The following PALS1 variants were observed in gnomAD, a reference collection of about 807,000 sequenced individuals.
PALS1 encodes protein associated with LIN7 1, MAGUK p55 family member.
In PALS1, 31 loss-of-function variants were observed where a neutral mutation model predicts 78.9. The ratio of observed to expected loss-of-function variants is 0.39; its 90% CI spans 0.30 to 0.53. The LOEUF is 0.53. Among genes scored for constraint, PALS1 ranks in the 20% least tolerant of loss-of-function variants. PALS1 has a pLI of 0.67. For missense variants in PALS1, 704 were observed against 826.5 expected (o/e 0.85, Z 1.82); for synonymous variants, 276 against 270.9 (o/e 1.02, Z -0.18).
chr14:67,249,902 A>G (rs1373299793), intron 1 of PALS1, among the ~76,000 whole-genome samples: 1 of 152,200 alleles, frequency 6.6e-6, no homozygotes, highest in Non-Finnish European at 1.5e-5. Flanking sequence ...GTAGTGAGCT[A>G]GGTGCTCTGC....
intron 8 of PALS1, chr14:67,312,134 G>C (rs1423817858): frequency 6.5e-6 from 1 of 153,426 alleles, no homozygotes; most frequent in Non-Finnish European, 1.5e-5. Flanking sequence ...GAGGCACCTT[G>C]TACCTCAGCT....
At chr14:67,285,603 C>A (rs1420668803) in intron 3 of PALS1, among the ~76,000 whole-genome samples, 2 of 151,974 alleles carry the variant, frequency 1.3e-5, no homozygotes, top group Non-Finnish European at 2.9e-5. Context: ...TCTCTGATCT[C>A]CTGATCCAGC....
At chr14:67,281,089 G>C (rs941488570) in intron 3 of PALS1, among the ~76,000 whole-genome samples, 1 of 151,698 alleles carries the variant, frequency 6.6e-6, no homozygotes, top group Non-Finnish European at 1.5e-5. Flanking sequence ...AGTAGAGACC[G>C]GGTTTCACCA....
At chr14:67,289,910 A>T (rs1447620215) in intron 3 of PALS1, among the ~76,000 whole-genome samples, 1 of 151,758 alleles carries the variant, frequency 6.6e-6, no homozygotes, top group Non-Finnish European at 1.5e-5. Context: ...AGCTGGGACT[A>T]CAGGCACCCA....
At position 67,301,508 on chromosome 14, in the gene PALS1, ATTC is replaced by A. The variant is rs765986980; in HGVS notation, c.654+47_654+49del. On this transcript the variant is annotated intron_variant, in intron 5 of 14. Transcript: ENST00000261681. ...ATACTATATATGTGGTTTTTCCAGCATTCTTCTATTTTTTTAAATCAAAGACTC... is the reference window on the plus strand; with the variant it reads ...ATACTATATATGTGGTTTTTCCAGCATTCTATTTTTTTAAATCAAAGACTC... The A allele has an allele frequency of 1.3e-4, 184 of 1,428,316 alleles. 5 individuals carry two copies. In the South Asian group the frequency reaches 2.2e-3, roughly 17 times the overall value. 88.5% of individuals were successfully genotyped at this position (1,428,316 alleles called of 1,614,324 possible). A position where few individuals can be genotyped will look rare whatever the true frequency, so the allele number is the denominator to read the frequency against.
intron 5 of PALS1, 119 bp from the exon 6 acceptor site, chr14:67,301,853 A>C (rs1350573793): frequency 3.6e-6 from 4 of 1,123,220 alleles, no homozygotes; most frequent in Non-Finnish European, 4.9e-6. Context: ...TATTAGCTCT[A>C]ATTAATTATA....
At chr14:67,249,283 A>G (rs574006326) in intron 1 of PALS1, among the ~76,000 whole-genome samples, 9 of 152,334 alleles carry the variant, frequency 5.9e-5, no homozygotes, top group African/African-American at 1.7e-4. Flanking sequence ...TTTTAAGGCA[A>G]AAAATCAGCA....
chr14:67,314,646 T>C (rs1282516816), intron 9 of PALS1, among the ~76,000 whole-genome samples: 1 of 152,234 alleles, frequency 6.6e-6, no homozygotes, highest in Admixed American at 6.5e-5. Context: ...CTTTAGCCCA[T>C]AAATGTTTAG....
chr14:67,306,479 G>A (rs1355104916), intron 8 of PALS1, among the ~76,000 whole-genome samples: 1 of 151,834 alleles, frequency 6.6e-6, no homozygotes, highest in Non-Finnish European at 1.5e-5. Flanking sequence ...AAGTAGCTGG[G>A]ATTACAGGCG....
intron 1 of PALS1, among the ~76,000 whole-genome samples, chr14:67,244,320 T>C (rs1490003937): frequency 6.6e-6 from 1 of 152,256 alleles, no homozygotes; most frequent in African/African-American, 2.4e-5. Context: ...CATTACTAGC[T>C]ACAGCCAAAT....
chr14:67,276,789 T>G (rs923757512), intron 2 of PALS1, among the ~76,000 whole-genome samples: 1 of 152,196 alleles, frequency 6.6e-6, no homozygotes, highest in African/African-American at 2.4e-5. Flanking sequence ...AGTATGATAG[T>G]AAATAGTACA....
At chr14:67,292,424 A>G in intron 3 of PALS1, 87 bp from the exon 4 acceptor site, 1 of 876,656 alleles carries the variant, frequency 1.1e-6, no homozygotes, top group Non-Finnish European at 1.8e-6. Flanking sequence ...TTAAATTGTT[A>G]CTGGTTCAAA....
chr14:67,257,965 G>A (rs1035994827), intron 1 of PALS1, among the ~76,000 whole-genome samples: 5 of 152,036 alleles, frequency 3.3e-5, no homozygotes, highest in Admixed American at 2.0e-4. Flanking sequence ...GTGAATATTT[G>A]CATCATTTAA....
At position 67,317,388 on chromosome 14, in the gene PALS1, T is replaced by G; in HGVS notation, c.1298-20T>G. 6.3e-7 allele frequency: 1 copy of G among 1,591,652 alleles called. No individual in the cohort carries two copies. Among genetic ancestry groups the G allele is most frequent in the Non-Finnish European group, 8.6e-7 (1 of 1,165,610 alleles). ...GTTCACGGGAACACATTTATAGTTA[T>G]GTTTATGATTGCTCAACAGGAAAAC... On this transcript the variant is annotated intron_variant, in intron 10 of 14. Coordinates refer to ENST00000261681, the MANE Select transcript of PALS1 (RefSeq NM_022474.4).
At chr14:67,310,853 A>G (rs917155173) in intron 8 of PALS1, among the ~76,000 whole-genome samples, 19 of 152,182 alleles carry the variant, frequency 1.2e-4, no homozygotes, top group Non-Finnish European at 2.4e-4. Context: ...ATCTATGTCT[A>G]TCTTTGTCAC....
intron 1 of PALS1, among the ~76,000 whole-genome samples, chr14:67,251,730 A>G (rs1386686489): frequency 2.0e-5 from 3 of 152,192 alleles, no homozygotes; most frequent in African/African-American, 7.2e-5. Context: ...AATCCCTTGG[A>G]ATTTTCTTAA....
chr14:67,265,375 A>G (rs1410824189), intron 1 of PALS1, among the ~76,000 whole-genome samples: 3 of 151,838 alleles, frequency 2.0e-5, no homozygotes, highest in African/African-American at 7.3e-5. Context: ...TGGGCAACAT[A>G]CTGAGACTCT....
At chr14:67,323,239 G>A (rs978002019) in intron 13 of PALS1, among the ~76,000 whole-genome samples, 42 of 134,366 alleles carry the variant, frequency 3.1e-4, no homozygotes, top group Middle Eastern at 3.6e-3. Context: ...ACACGTGTGT[G>A]TGTGTGTGTG....
intron 8 of PALS1, chr14:67,304,049 T>A (rs1183907744): frequency 6.4e-6 from 1 of 155,322 alleles, no homozygotes; most frequent in East Asian, 1.9e-4. Flanking sequence ...ATTACAGGTG[T>A]GAGCCTTCAC....
Sources: gnomAD v4.1 joint callset for allele counts (sites outside exome capture counted in the v4.1 genomes callset) on GRCh38, gnomAD v4.1.1 for gene constraint, MANE v1.5 for transcripts, NCBI Gene and HGNC (gene_info 2026-07-23, HGNC 2026-07-21) for gene names.